Variants in CEP63 observed in about 807,000 individuals in gnomAD.
The protein encoded by CEP63 is centrosomal protein 63.
A neutral mutation model predicts 89.1 loss-of-function variants in CEP63; 84 were observed. That is an observed-to-expected ratio of 0.94 (90% CI 0.79 to 1.13). The LOEUF (loss-of-function observed/expected upper bound fraction) is 1.13. CEP63 is among the 50% of genes most tolerant of loss of function. The pLI, the probability that CEP63 is intolerant of heterozygous loss-of-function variation, is 0.00. For synonymous variants in CEP63, 267 were observed against 272.5 expected, an observed-to-expected ratio of 0.98 and a Z score of 0.20; for missense variants, 838 against 813.3, an observed-to-expected ratio of 1.03 and a Z score of -0.37.
chr3:134,751,020 C>T, the CEP63 span, among the ~76,000 whole-genome samples: 1 of 152,170 alleles, frequency 6.6e-6, no homozygotes, highest in Non-Finnish European at 1.5e-5. Context: ...CAAAGGAAAC[C>T]GTTTCACCCA....
chr3:134,559,483 TTTTTTA>T, intron 14 of CEP63, 54 bp downstream of exon 14: 1 of 1,515,332 alleles, frequency 6.6e-7, no homozygotes, highest in Non-Finnish European at 9.1e-7. Flanking sequence ...TTTGCTTTGA[TTTTTTA>T]TTTTAAGGGT....
At chr3:134,700,500 C>T in the CEP63 span, among the ~76,000 whole-genome samples, 23 of 152,258 alleles carry the variant, frequency 1.5e-4, no homozygotes, top group East Asian at 1.4e-3. Flanking sequence ...CAGAGGTGAA[C>T]GCTTTCAATA....
chr3:134,684,136 A>G, the CEP63 span, among the ~76,000 whole-genome samples: 1 of 152,342 alleles, frequency 6.6e-6, no homozygotes, highest in South Asian at 2.1e-4. Context: ...TTTGCAATGG[A>G]AAGAGATGTA....
Position 134,502,024 on chromosome 3 carries a change from G to A in CEP63, c.45-5085G>A, listed in dbSNP as rs117527811. On this transcript the variant is annotated intron_variant, in intron 2 of 14. Coordinates refer to ENST00000675561, the MANE Select transcript of CEP63 (RefSeq NM_001353108.3). ...TTCCTTCGATGCCTAGTTTGTTGAG[G>A]GCTTTTAACGTGAAGGGATATTAAG... is the stretch of plus-strand genomic sequence containing the variant. Among the ~76,000 whole-genome samples, 960 of 152,148 alleles carry A rather than the reference G, an allele frequency of 6.3e-3. 22 individuals are homozygous for A. The South Asian group carries it at 0.074, about 12-fold the overall frequency.
the CEP63 span, chr3:134,608,720 A>G: frequency 2.5e-6 from 4 of 1,613,924 alleles, no homozygotes; most frequent in East Asian, 4.5e-5. Context: ...CTTGTGATAC[A>G]TGTTGTTCTC....
chr3:134,718,735 G>T, the CEP63 span, among the ~76,000 whole-genome samples: 1 of 152,208 alleles, frequency 6.6e-6, no homozygotes, highest in Non-Finnish European at 1.5e-5. Flanking sequence ...ACAAACCATG[G>T]CTTCTCCTTC....
chr3:134,579,050 C>T (rs1242673444), downstream of CEP63, among the ~76,000 whole-genome samples: 1 of 152,274 alleles, frequency 6.6e-6, no homozygotes, highest in African/African-American at 2.4e-5. Context: ...AGCCACTGCA[C>T]CTGGCCCCCA....
the CEP63 span, among the ~76,000 whole-genome samples, chr3:134,709,306 G>T: frequency 6.6e-6 from 1 of 152,162 alleles, no homozygotes; most frequent in Non-Finnish European, 1.5e-5. Flanking sequence ...TGCTGTGGGG[G>T]TGGAGGTAGG....
chr3:134,620,863 G>C, the CEP63 span: 7 of 1,592,064 alleles, frequency 4.4e-6, no homozygotes, highest in South Asian at 7.8e-5. Context: ...GTCACCTGGG[G>C]AGCAGGAAGG....
chr3:134,761,264 C>T, the CEP63 span, among the ~76,000 whole-genome samples: 1 of 152,214 alleles, frequency 6.6e-6, no homozygotes, highest in South Asian at 2.1e-4. Flanking sequence ...ACATGGTCCC[C>T]TAATTAAATC....
the CEP63 span, among the ~76,000 whole-genome samples, chr3:134,693,317 A>T: frequency 1.6e-4 from 24 of 152,324 alleles, no homozygotes; most frequent in South Asian, 5.0e-3. Context: ...CATCTTGCAG[A>T]CATGAGGACA....
chr3:134,759,064 G>T, the CEP63 span, among the ~76,000 whole-genome samples: 600 of 152,260 alleles, frequency 3.9e-3, 4 homozygotes, highest in Non-Finnish European at 3.8e-3. Context: ...GAATGCAGGT[G>T]GCCTGTAGTC....
the CEP63 span, among the ~76,000 whole-genome samples, chr3:134,653,098 A>C: frequency 1.3e-5 from 2 of 152,152 alleles, no homozygotes; most frequent in Non-Finnish European, 2.9e-5. Flanking sequence ...AATGGTGTGG[A>C]GGCCTCCTGT....
At chr3:134,730,991 G>C in the CEP63 span, among the ~76,000 whole-genome samples, 1 of 152,090 alleles carries the variant, frequency 6.6e-6, no homozygotes, top group Non-Finnish European at 1.5e-5. Flanking sequence ...AGCTGGTATA[G>C]CTACATTAAT....
the CEP63 span, chr3:134,604,319 T>C: frequency 6.2e-7 from 1 of 1,613,956 alleles, no homozygotes; most frequent in South Asian, 1.1e-5. Context: ...TTGGCAAAGA[T>C]CTGCAGCTTG....
At chr3:134,701,383 C>T in the CEP63 span, among the ~76,000 whole-genome samples, 4 of 46,022 alleles carry the variant, frequency 8.7e-5, no homozygotes, top group Non-Finnish European at 1.9e-4. Flanking sequence ...CACATATATA[C>T]GTATATATGT....
chr3:134,593,190 C>G, the CEP63 span, among the ~76,000 whole-genome samples: 19 of 152,222 alleles, frequency 1.2e-4, no homozygotes, highest in East Asian at 3.1e-3. Flanking sequence ...CAGTGATTGC[C>G]ACAATTTTAT....
chr3:134,566,813 C>T (rs1007691664), downstream of CEP63, among the ~76,000 whole-genome samples: 1 of 152,130 alleles, frequency 6.6e-6, no homozygotes, highest in Non-Finnish European at 1.5e-5. Flanking sequence ...TTGGAACACT[C>T]ATATGTTGCT....
intron 3 of CEP63, among the ~76,000 whole-genome samples, chr3:134,522,190 A>G (rs1464447867): frequency 6.6e-6 from 1 of 152,166 alleles, no homozygotes; most frequent in South Asian, 2.1e-4. Flanking sequence ...AACAGGATAT[A>G]TGTAATTTGG....
Sources: allele counts gnomAD v4.1 joint callset (sites outside exome capture counted in the v4.1 genomes callset), GRCh38; gene constraint gnomAD v4.1.1; transcripts MANE v1.5; gene names NCBI Gene and HGNC (gene_info 2026-07-23, HGNC 2026-07-21).